GRIK3: variants seen among roughly 807,000 people sequenced by gnomAD.
GRIK3 encodes the protein glutamate receptor ionotropic, kainate 3.
Under a neutral mutation model 102.5 loss-of-function variants are expected in GRIK3, and 29 were observed. That is an observed-to-expected ratio of 0.28 (90% CI 0.21 to 0.39). The LOEUF (loss-of-function observed/expected upper bound fraction) is 0.39. Among genes scored for constraint, GRIK3 ranks in the 10% least tolerant of loss-of-function variants. The probability of loss-of-function intolerance (pLI) is 1.00; values close to 1 mark genes in which losing one functional copy is unlikely to be tolerated. For synonymous variants in GRIK3, 511 were observed against 504.9 expected, an observed-to-expected ratio of 1.01 and a Z score of -0.16; for missense variants, 908 against 1,252.4, an observed-to-expected ratio of 0.73 and a Z score of 4.15.
intron 9 of GRIK3, among the ~76,000 whole-genome samples, chr1:36,846,716 G>C (rs1479362712): frequency 6.6e-6 from 1 of 152,206 alleles, no homozygotes; most frequent in East Asian, 1.9e-4. Flanking sequence ...GTCCCAAAGA[G>C]CCCAAGCCTG....
chr1:36,807,456 G>T (rs1279975531), intron 13 of GRIK3, among the ~76,000 whole-genome samples: 2 of 152,200 alleles, frequency 1.3e-5, no homozygotes. Flanking sequence ...AGCTGTGTCT[G>T]TCTGTGATGT....
intron 1 of GRIK3, among the ~76,000 whole-genome samples, chr1:36,995,063 G>T (rs1642405716): frequency 6.6e-6 from 1 of 152,180 alleles, no homozygotes. Context: ...GAAGCCTGGA[G>T]CTTCACAGAT....
chr1:36,964,749 T>C (rs986799619), intron 1 of GRIK3, among the ~76,000 whole-genome samples: 1 of 152,088 alleles, frequency 6.6e-6, no homozygotes, highest in African/African-American at 2.4e-5. Flanking sequence ...ACACCCCACG[T>C]GATATGACCA....
chr1:36,862,093 C>T (rs1191538767), intron 5 of GRIK3, among the ~76,000 whole-genome samples: 1 of 152,128 alleles, frequency 6.6e-6, no homozygotes, highest in African/African-American at 2.4e-5. Context: ...GGTCACATAG[C>T]TCATACAAGT....
At chr1:36,860,542 A>G (rs910074311) in intron 5 of GRIK3, among the ~76,000 whole-genome samples, 6 of 152,060 alleles carry the variant, frequency 3.9e-5, no homozygotes, top group African/African-American at 1.4e-4. Flanking sequence ...GGACCTCCTC[A>G]TCCCTTGCCT....
intron 1 of GRIK3, among the ~76,000 whole-genome samples, chr1:36,983,476 G>A (rs1486755762): frequency 6.6e-6 from 1 of 152,108 alleles, no homozygotes; most frequent in Non-Finnish European, 1.5e-5. Context: ...CTGTGTGCCA[G>A]GGACTGTCCT....
At chr1:36,917,628 T>C (rs1486253513) in intron 1 of GRIK3, among the ~76,000 whole-genome samples, 1 of 152,248 alleles carries the variant, frequency 6.6e-6, no homozygotes, top group African/African-American at 2.4e-5. Flanking sequence ...TCTCTTCTCT[T>C]GTCTGCCACC....
At chr1:36,951,820 G>A (rs1386533826) in intron 1 of GRIK3, among the ~76,000 whole-genome samples, 1 of 150,968 alleles carries the variant, frequency 6.6e-6, no homozygotes, top group Non-Finnish European at 1.5e-5. Context: ...GAAATGGGGG[G>A]AACAGGGAAG....
At chr1:36,974,787 G>A (rs189513951) in intron 1 of GRIK3, among the ~76,000 whole-genome samples, 1 of 134,740 alleles carries the variant, frequency 7.4e-6, no homozygotes, top group East Asian at 2.0e-4. Flanking sequence ...GTGACAGAGC[G>A]AGACTCTGTC....
chr1:36,922,782 G>A (rs1641488147), intron 1 of GRIK3, among the ~76,000 whole-genome samples: 1 of 152,148 alleles, frequency 6.6e-6, no homozygotes, highest in South Asian at 2.1e-4. Context: ...GCTCAGATCT[G>A]TCTGCTGCGA....
At chr1:36,898,674 A>AT (rs1334630355) in intron 1 of GRIK3, among the ~76,000 whole-genome samples, 4 of 152,194 alleles carry the variant, frequency 2.6e-5, no homozygotes, top group South Asian at 4.1e-4. Flanking sequence ...TCCCAATGAC[A>AT]TTTTTTTGCA....
chr1:36,991,701 G>A (rs12746787), intron 1 of GRIK3, among the ~76,000 whole-genome samples: 1,938 of 152,368 alleles, frequency 0.013, 23 homozygotes, highest in South Asian at 0.022. Context: ...ATCCCTGAGG[G>A]CTGTAGCCCT....
At chr1:36,940,699 G>A (rs1031739595) in intron 1 of GRIK3, among the ~76,000 whole-genome samples, 1 of 152,174 alleles carries the variant, frequency 6.6e-6, no homozygotes, top group African/African-American at 2.4e-5. Flanking sequence ...GCTTCTCCCT[G>A]GCTGATCCCA....
intron 9 of GRIK3, among the ~76,000 whole-genome samples, chr1:36,846,011 C>T (rs1459535007): frequency 2.0e-5 from 3 of 152,270 alleles, no homozygotes; most frequent in Non-Finnish European, 2.9e-5. Flanking sequence ...CACACCCGCA[C>T]GCATGCCCAC....
chr1:36,989,019 C>T (rs1239646429), intron 1 of GRIK3, among the ~76,000 whole-genome samples: 3 of 152,140 alleles, frequency 2.0e-5, no homozygotes, highest in African/African-American at 7.2e-5. Flanking sequence ...CCTACACACC[C>T]TTCAACCCAC....
chr1:37,018,307 G>A (rs1642674665), intron 1 of GRIK3, among the ~76,000 whole-genome samples: 1 of 152,206 alleles, frequency 6.6e-6, no homozygotes, highest in African/African-American at 2.4e-5. Flanking sequence ...GCATCTTACT[G>A]AATCTTTAAA....
chr1:36,837,205 G>A (rs1640390037), intron 10 of GRIK3, among the ~76,000 whole-genome samples: 1 of 152,068 alleles, frequency 6.6e-6, no homozygotes, highest in Non-Finnish European at 1.5e-5. Flanking sequence ...GACTCCTAGA[G>A]CTCAGCCTCC....
At chr1:36,994,699 CT>C (rs1350360716) in intron 1 of GRIK3, among the ~76,000 whole-genome samples, 1 of 152,182 alleles carries the variant, frequency 6.6e-6, no homozygotes, top group African/African-American at 2.4e-5. Context: ...ATTGTAGAGC[CT>C]TTATTTTTAA....
At chr1:36,973,025 T>C (rs1642160448) in intron 1 of GRIK3, among the ~76,000 whole-genome samples, 1 of 152,202 alleles carries the variant, frequency 6.6e-6, no homozygotes, top group Admixed American at 6.5e-5. Flanking sequence ...CTGTAGTCCC[T>C]TGGGAAGAAA....
Sources: gnomAD v4.1 joint callset for allele counts (sites outside exome capture counted in the v4.1 genomes callset) on GRCh38, gnomAD v4.1.1 for gene constraint, MANE v1.5 for transcripts, NCBI Gene and HGNC (gene_info 2026-07-23, HGNC 2026-07-21) for gene names.